The following PKD2 variants were observed in gnomAD, a reference collection of about 807,000 sequenced individuals.
PKD2 encodes the protein polycystin-2.
In PKD2, 48 loss-of-function variants were observed where a neutral mutation model predicts 105.9. The observed-to-expected ratio is 0.45, with a 90% confidence interval of 0.36 to 0.58. The LOEUF (loss-of-function observed/expected upper bound fraction) is 0.58, where lower values mean the gene tolerates loss of function less well. PKD2 is among the 20% of genes least tolerant of loss of function. The pLI is 0.00. For missense variants in PKD2, 1,078 were observed against 1,255.3 expected, an observed-to-expected ratio of 0.86 and a Z score of 2.13; for synonymous variants, 464 against 481.1, an observed-to-expected ratio of 0.96 and a Z score of 0.46.
intron 2 of PKD2, among the ~76,000 whole-genome samples, chr4:88,035,536 A>C (rs922137500): frequency 6.6e-6 from 1 of 152,128 alleles, no homozygotes; most frequent in Admixed American, 6.5e-5. Flanking sequence ...GTGTGAACCC[A>C]GTGTGGTTGT....
intron 13 of PKD2, among the ~76,000 whole-genome samples, chr4:88,070,576 A>T (rs201648222): frequency 3.7e-4 from 31 of 84,326 alleles, no homozygotes; most frequent in African/African-American, 1.4e-3. Flanking sequence ...TATTTATTTT[A>T]TATATATATA....
chr4:88,056,149 GC>G lies in PKD2; in HGVS notation c.1782del (p.Asp596ThrfsTer14). On this transcript the variant is annotated frameshift_variant, in exon 8 of 15. Coordinates refer to ENST00000237596, the MANE Select transcript of PKD2 (RefSeq NM_000297.4). LOFTEE classifies it high-confidence loss of function. ...GCTCTCGACAACCATGTCTCGATGTGCCAAAGACCTGTTTGGCTTTGCTATT... is the reference window on the plus strand; with the variant it reads ...GCTCTCGACAACCATGTCTCGATGTGCAAAGACCTGTTTGGCTTTGCTATT... ...SQLSTTMSRC[A>X]KDLFGFAIMF... 1 of 1,613,070 alleles carries G rather than the reference GC, an allele frequency of 6.2e-7. No homozygotes were observed.
chr4:88,066,126 TA>T (rs1720784462), intron 12 of PKD2, among the ~76,000 whole-genome samples: 1 of 151,982 alleles, frequency 6.6e-6, no homozygotes, highest in African/African-American at 2.4e-5. Flanking sequence ...AAAACAAAAG[TA>T]AAAATAATGG....
At chr4:88,032,370 G>A (rs1220184439) in intron 2 of PKD2, among the ~76,000 whole-genome samples, 2 of 152,182 alleles carry the variant, frequency 1.3e-5, no homozygotes, top group Non-Finnish European at 1.5e-5. Context: ...TGGTTGTTAA[G>A]GCACCAGTAT....
At chr4:88,065,685 G>T (rs1720765173) in intron 11 of PKD2, 77 bp from the exon 12 acceptor site, 3 of 1,227,148 alleles carry the variant, frequency 2.4e-6, no homozygotes, top group Non-Finnish European at 2.4e-6. Context: ...CTTTCCTCCT[G>T]CATTTTGATG....
chr4:88,043,971 C>G (rs528971404), intron 5 of PKD2, among the ~76,000 whole-genome samples: 2 of 152,268 alleles, frequency 1.3e-5, no homozygotes, highest in Middle Eastern at 6.8e-3. Context: ...TCCACAGATC[C>G]TGGGATGTTG....
At chr4:88,036,143 C>A in intron 2 of PKD2, 77 bp from the exon 3 acceptor site, 6 of 1,612,218 alleles carry the variant, frequency 3.7e-6, no homozygotes, top group Non-Finnish European at 5.1e-6. Flanking sequence ...CAGGAACAAT[C>A]CCTTTGTGAA....
At chr4:88,013,564 G>C (rs916826417) in intron 1 of PKD2, among the ~76,000 whole-genome samples, 1 of 152,122 alleles carries the variant, frequency 6.6e-6, no homozygotes, top group Non-Finnish European at 1.5e-5. Context: ...TAGCCAGGCA[G>C]GGTGGCACAT....
rs2725203 is a variant in PKD2 at position 88,074,643 on chromosome 4, T to C, written c.2523-169T>C. 0.31 allele frequency among the ~76,000 whole-genome samples: 47,324 copies of C among 152,106 alleles called. 11,247 individuals carry two copies. The highest frequency in any genetic ancestry group is 0.65 in the African/African-American group (27,115 of 41,456). On this transcript the variant is annotated intron_variant, in intron 13 of 14. Transcript: ENST00000237596. ...GGAAAGTTGTTTCAGTTAACACTCCTACCAGCGGCATCCGAGAGTTAATCT... is the reference window on the plus strand; with the variant it reads ...GGAAAGTTGTTTCAGTTAACACTCCCACCAGCGGCATCCGAGAGTTAATCT...
chr4:88,015,112 A>G (rs1332312786), intron 1 of PKD2, among the ~76,000 whole-genome samples: 1 of 152,166 alleles, frequency 6.6e-6, no homozygotes, highest in African/African-American at 2.4e-5. Context: ...TACACAATTA[A>G]CCTTTTAACC....
chr4:88,033,920 G>A (rs1407491649), intron 2 of PKD2, among the ~76,000 whole-genome samples: 1 of 152,160 alleles, frequency 6.6e-6, no homozygotes, highest in Admixed American at 6.5e-5. Flanking sequence ...GGCTTTTGCA[G>A]AGGACAGTGT....
At chr4:88,029,346 C>T (rs773917385) in intron 2 of PKD2, among the ~76,000 whole-genome samples, 6 of 152,156 alleles carry the variant, frequency 3.9e-5, no homozygotes, top group Non-Finnish European at 7.3e-5. Context: ...CTAGTACTTG[C>T]GTGCCAGTGA....
At chr4:88,074,772 G>A (rs1721167909) in intron 13 of PKD2, 40 bp from the exon 14 acceptor site, 1 of 1,611,972 alleles carries the variant, frequency 6.2e-7, no homozygotes. Context: ...AAAAGACAAT[G>A]ACAAGCACTT....
At chr4:88,017,420 A>AT (rs1278754968) in intron 1 of PKD2, among the ~76,000 whole-genome samples, 2 of 152,058 alleles carry the variant, frequency 1.3e-5, no homozygotes, top group African/African-American at 2.4e-5. Flanking sequence ...GAATATTATT[A>AT]TTTTTTCAAG....
At chr4:88,068,204 C>T (rs1350963344) in intron 13 of PKD2, 143 bp downstream of exon 13, 1 of 787,662 alleles carries the variant, frequency 1.3e-6, no homozygotes, top group Non-Finnish European at 2.2e-6. Context: ...GACGCAGTGG[C>T]TCATGCCTGT....
chr4:88,038,914 T>C (rs542761315), intron 4 of PKD2, among the ~76,000 whole-genome samples: 1 of 152,332 alleles, frequency 6.6e-6, no homozygotes, highest in Admixed American at 6.5e-5. Flanking sequence ...AATGGAGTTA[T>C]TTAATGTGTA....
intron 13 of PKD2, among the ~76,000 whole-genome samples, chr4:88,072,131 C>T (rs576211136): frequency 9.2e-5 from 14 of 151,938 alleles, no homozygotes; most frequent in African/African-American, 1.4e-4. Context: ...TACAGGTGCA[C>T]GCCACCATGC....
intron 2 of PKD2, among the ~76,000 whole-genome samples, chr4:88,028,857 ATAT>A (rs1270527197): frequency 6.6e-6 from 1 of 152,232 alleles, no homozygotes; most frequent in Non-Finnish European, 1.5e-5. Flanking sequence ...CTGTATATAA[ATAT>A]TATACATCTT....
At position 88,073,807 on chromosome 4, in the gene PKD2, T is replaced by A. The variant is rs193186170; in HGVS notation, c.2523-1005T>A. Among the ~76,000 whole-genome samples the A allele has an allele frequency of 5.9e-5, 9 of 152,328 alleles. 1 individual carries two copies. The East Asian group carries it at 1.7e-3, about 29-fold the overall frequency. Reference sequence around the variant, plus strand: ...TACACCCTTAAAAGTTTCTAGAAATTTTTAATATTTGAGTTTTAAAAAATA... The same window carrying A: ...TACACCCTTAAAAGTTTCTAGAAATATTTAATATTTGAGTTTTAAAAAATA... On this transcript the variant is annotated intron_variant, in intron 13 of 14. Transcript: ENST00000237596.
Sources: allele counts gnomAD v4.1 joint callset (sites outside exome capture counted in the v4.1 genomes callset), GRCh38; gene constraint gnomAD v4.1.1; transcripts MANE v1.5; gene names NCBI Gene and HGNC (gene_info 2026-07-23, HGNC 2026-07-21).